HHAT: variants seen among roughly 807,000 people sequenced by gnomAD.
HHAT encodes hedgehog acyltransferase.
In HHAT, 47 loss-of-function variants were observed where a neutral mutation model predicts 70.8. The ratio of observed to expected loss-of-function variants is 0.66; its 90% confidence interval spans 0.53 to 0.85. The LOEUF is 0.85. Among genes scored for constraint, HHAT ranks in the 40% least tolerant of loss-of-function variants. HHAT has a pLI of 0.00. For synonymous variants in HHAT, 228 were observed against 247.6 expected (o/e 0.92, Z 0.74); for missense variants, 609 against 604.8 (o/e 1.01, Z -0.07).
chr1:210,329,441 G>A (rs528219379), intron 1 of HHAT: 1 of 1,074,392 alleles, frequency 9.3e-7, no homozygotes, highest in East Asian at 5.9e-5. Flanking sequence ...TGGCAGTATC[G>A]GCGGTGCGCC....
chr1:210,539,597 T>C (rs566730203), intron 9 of HHAT, among the ~76,000 whole-genome samples: 1 of 152,166 alleles, frequency 6.6e-6, no homozygotes, highest in East Asian at 1.9e-4. Context: ...AATGTTGCAG[T>C]TGGTTTTGAG....
chr1:210,564,124 T>TTA (rs2095648412), intron 9 of HHAT, among the ~76,000 whole-genome samples: 1 of 151,188 alleles, frequency 6.6e-6, no homozygotes. Context: ...CAACTATTTT[T>TTA]TTTTTTTTTT....
chr1:210,613,711 T>C (rs1345473853), intron 10 of HHAT, among the ~76,000 whole-genome samples: 1 of 152,206 alleles, frequency 6.6e-6, no homozygotes, highest in Non-Finnish European at 1.5e-5. Flanking sequence ...TTGGGTAGTA[T>C]TGTTATTTTA....
intron 5 of HHAT, among the ~76,000 whole-genome samples, chr1:210,404,101 C>T (rs1203575531): frequency 2.6e-5 from 4 of 152,150 alleles, no homozygotes; most frequent in Non-Finnish European, 5.9e-5. Flanking sequence ...GTTGAAGAAG[C>T]TGTCAAAGTA....
At chr1:210,592,419 A>G (rs1661941355) in intron 10 of HHAT, among the ~76,000 whole-genome samples, 1 of 151,872 alleles carries the variant, frequency 6.6e-6, no homozygotes, top group African/African-American at 2.4e-5. Flanking sequence ...ATACTGTACT[A>G]TTTTGGTTAC....
chr1:210,395,847 C>G (rs886601487), intron 4 of HHAT, among the ~76,000 whole-genome samples: 2 of 152,140 alleles, frequency 1.3e-5, no homozygotes, highest in Non-Finnish European at 2.9e-5. Flanking sequence ...ATCCATCTAC[C>G]CAGCTATCCA....
intron 9 of HHAT, among the ~76,000 whole-genome samples, chr1:210,564,383 G>T (rs1259219324): frequency 6.6e-6 from 1 of 152,160 alleles, no homozygotes; most frequent in Non-Finnish European, 1.5e-5. Flanking sequence ...AGCCTGAGAG[G>T]GAGCATGAGG....
rs151098241 is a variant in HHAT, at chr1:210,586,992, C to T, written c.1044-906C>T. The stretch of plus-strand genomic sequence containing the variant: ...AGCTCTTTTCTTTATTGTGAATTCA[C>T]GACTGCTTCTGGGCAACCTGCCTAG... On this transcript the variant is annotated intron_variant, in intron 9 of 11. Coordinates refer to ENST00000261458, the MANE Select transcript of HHAT (RefSeq NM_018194.6). Among the ~76,000 whole-genome samples the T allele has an allele frequency of 3.9e-4, 60 of 152,300 alleles. 1 individual carries two copies. In the East Asian group the frequency reaches 0.01, roughly 26 times the overall value.
At chr1:210,332,711 G>A (rs1302538053) in intron 1 of HHAT, among the ~76,000 whole-genome samples, 1 of 152,228 alleles carries the variant, frequency 6.6e-6, no homozygotes, top group East Asian at 1.9e-4. Context: ...TGGTGAAGCA[G>A]TTTTGAAGGT....
intron 11 of HHAT, among the ~76,000 whole-genome samples, chr1:210,664,071 C>T (rs979861391): frequency 6.6e-6 from 1 of 152,222 alleles, no homozygotes; most frequent in Non-Finnish European, 1.5e-5. Flanking sequence ...AAGCTTCTGT[C>T]CATCTCCCCC....
At chr1:210,519,826 C>CTTTT (rs561537666) in intron 9 of HHAT, among the ~76,000 whole-genome samples, 5 of 127,280 alleles carry the variant, frequency 3.9e-5, no homozygotes, top group South Asian at 2.6e-4. Context: ...CCACACTTGG[C>CTTTT]TTTTTTTTTT....
At chr1:210,650,676 A>G (rs996319376) in intron 11 of HHAT, among the ~76,000 whole-genome samples, 2 of 152,308 alleles carry the variant, frequency 1.3e-5, no homozygotes, top group African/African-American at 2.4e-5. Context: ...AAGCTCTTGG[A>G]TAGAAGGTAT....
At chr1:210,420,520 A>G (rs1254470507) in intron 7 of HHAT, among the ~76,000 whole-genome samples, 1 of 152,174 alleles carries the variant, frequency 6.6e-6, no homozygotes, top group Non-Finnish European at 1.5e-5. Flanking sequence ...TTGGCACATT[A>G]CCCACAGTAA....
intron 9 of HHAT, among the ~76,000 whole-genome samples, chr1:210,562,811 C>T (rs1380749506): frequency 8.5e-6 from 1 of 117,600 alleles, no homozygotes; most frequent in Non-Finnish European, 1.7e-5. Context: ...CCCCCTCCCC[C>T]CACCCCACAA....
chr1:210,553,879 C>T (rs911877820), intron 9 of HHAT, among the ~76,000 whole-genome samples: 2 of 152,212 alleles, frequency 1.3e-5, no homozygotes, highest in African/African-American at 4.8e-5. Context: ...TCATTACTCT[C>T]CAGCTGCCTT....
intron 11 of HHAT, among the ~76,000 whole-genome samples, chr1:210,661,683 A>G (rs190334106): frequency 2.3e-4 from 35 of 152,366 alleles, no homozygotes; most frequent in Non-Finnish European, 4.1e-4. Flanking sequence ...TGGATTAAGA[A>G]AAGGTGGCAT....
intron 11 of HHAT, among the ~76,000 whole-genome samples, chr1:210,630,038 T>C (rs1670572561): frequency 6.6e-6 from 1 of 152,106 alleles, no homozygotes; most frequent in African/African-American, 2.4e-5. Context: ...AGACGGGGTT[T>C]CACCATGTTC....
At chr1:210,330,174 T>A (rs1286039489) in intron 1 of HHAT, among the ~76,000 whole-genome samples, 1 of 152,214 alleles carries the variant, frequency 6.6e-6, no homozygotes, top group Non-Finnish European at 1.5e-5. Flanking sequence ...AGGAATGATT[T>A]TTTTCCCCTT....
chr1:210,383,198 G>C (rs943521471), intron 3 of HHAT, among the ~76,000 whole-genome samples: 7 of 152,120 alleles, frequency 4.6e-5, no homozygotes, highest in African/African-American at 1.7e-4. Context: ...AAATTAGCCA[G>C]GTGTGGTGGT....
Sources: gnomAD v4.1 joint callset for allele counts (sites outside exome capture counted in the v4.1 genomes callset) on GRCh38, gnomAD v4.1.1 for gene constraint, MANE v1.5 for transcripts, NCBI Gene and HGNC (gene_info 2026-07-23, HGNC 2026-07-21) for gene names.